MAMDC2: variants seen among roughly 807,000 people sequenced by gnomAD.
MAMDC2 encodes MAM domain containing 2, also known as MAM domain-containing protein 2.
MAMDC2 carries 57 observed loss-of-function variants against 89.8 expected under a neutral mutation model. The observed-to-expected ratio is 0.63, with a 90% CI of 0.51 to 0.79. MAMDC2 has a LOEUF of 0.79. Among genes scored for constraint, MAMDC2 ranks in the 30% least tolerant of loss-of-function variants. MAMDC2 has a pLI of 0.00. For missense variants in MAMDC2, 800 were observed against 820.6 expected (o/e 0.97, Z 0.31); for synonymous variants, 313 against 293.4 (o/e 1.07, Z -0.68).
chr9:70,046,604 A>G (rs1413103125), intron 2 of MAMDC2, among the ~76,000 whole-genome samples: 1 of 152,212 alleles, frequency 6.6e-6, no homozygotes, highest in Non-Finnish European at 1.5e-5. Flanking sequence ...ACCCACAGGA[A>G]GTCTCTCTGC....
rs1459896735 is a variant in MAMDC2 at position 70,131,531 on chromosome 9, G to C, written c.913G>C (p.Val305Leu). Residue 305 changes from valine to leucine, a missense_variant, in exon 7 of 14, where the codon GTT (valine) becomes CTT (leucine). Transcript: ENST00000377182. ...TTTTCCTCTGCAGGTTATTTTTGAA[G>C]TTGCTTTCAATGGTCCCAAGGGAGG... Reference protein sequence around the residue: ...APYPMEVIFEVAFNGPKGGYV... With the variant: ...APYPMEVIFELAFNGPKGGYV... 1.3e-6 allele frequency: 2 copies of C among 1,598,918 alleles called. No homozygotes were observed. The highest frequency in any genetic ancestry group is 1.7e-6 in the Non-Finnish European group (2 of 1,176,332).
chr9:70,144,291 A>T lies in MAMDC2; in HGVS notation c.1404+472A>T, dbSNP rs569931413. ...ACCTAAGGCTCTAGCTGAACACAGG[A>T]TGAGGAAGCTCATTAAAAAATATAG... On this transcript the variant is annotated intron_variant, in intron 9 of 13. Coordinates refer to ENST00000377182, the MANE Select transcript of MAMDC2 (RefSeq NM_153267.5). Among the ~76,000 whole-genome samples, 6 of 152,326 alleles carry T rather than the reference A, an allele frequency of 3.9e-5. No homozygotes were observed. In the South Asian group the frequency reaches 1.2e-3, roughly 32 times the overall value.
At chr9:70,209,399 T>C (rs1378910642) in intron 11 of MAMDC2, among the ~76,000 whole-genome samples, 1 of 152,198 alleles carries the variant, frequency 6.6e-6, no homozygotes, top group East Asian at 1.9e-4. Context: ...TTCTTCTAGA[T>C]TTTCTAGTTT....
chr9:70,151,376 G>A (rs2118449942), intron 9 of MAMDC2, among the ~76,000 whole-genome samples: 1 of 152,340 alleles, frequency 6.6e-6, no homozygotes, highest in Non-Finnish European at 1.5e-5. Flanking sequence ...TGAAAATACA[G>A]CCTTCATGAG....
At position 70,044,039 on chromosome 9, in the gene MAMDC2, C is replaced by T; in HGVS notation, c.-159C>T. The T allele has an allele frequency of 1.2e-6, 1 of 811,042 alleles. No individual in the cohort carries two copies. Among genetic ancestry groups the T allele is most frequent in the South Asian group, 1.7e-5 (1 of 59,862 alleles). 50.2% of individuals were successfully genotyped at this position (811,042 alleles called of 1,614,324 possible). On this transcript the variant is annotated 5_prime_UTR_variant, in exon 1 of 14. Coordinates refer to ENST00000377182, the MANE Select transcript of MAMDC2 (RefSeq NM_153267.5). ...CCGCTCGGCTCCGGGAGCCGCTCTG[C>T]AAAGTTGGGCAGCTCAGAGCGCAAG...
chr9:70,217,980 C>T (rs1353423687), intron 11 of MAMDC2, among the ~76,000 whole-genome samples: 1 of 152,056 alleles, frequency 6.6e-6, no homozygotes, highest in Non-Finnish European at 1.5e-5. Flanking sequence ...ACTACAAAAC[C>T]CACCCTCTCT....
chr9:70,209,405 A>AG (rs2033302439), intron 11 of MAMDC2, among the ~76,000 whole-genome samples: 1 of 152,098 alleles, frequency 6.6e-6, no homozygotes, highest in South Asian at 2.1e-4. Flanking sequence ...TAGATTTTCT[A>AG]GTTTATTTTC....
Position 70,109,794 on chromosome 9 carries a change from C to A in MAMDC2, c.495C>A (p.Gly165=), listed in dbSNP as rs546714347. 6.2e-7 allele frequency: 1 copy of A among 1,613,246 alleles called. No individual in the cohort carries two copies. Among genetic ancestry groups the A allele is most frequent in the African/African-American group, 1.3e-5 (1 of 75,024 alleles). ...IALFEIKMTT[G]YCIECDFEEN... is the part of the protein sequence containing the mutation. ...TATTTGAAATCAAGATGACAACCGGCTACTGTATTGGTAAGTGGGCTTCAT... is the reference window on the plus strand; with the variant it reads ...TATTTGAAATCAAGATGACAACCGGATACTGTATTGGTAAGTGGGCTTCAT... The change falls in exon 4 of 14, where the codon GGC becomes GGA. Residue 165 remains glycine, a synonymous_variant. Coordinates refer to ENST00000377182, the MANE Select transcript of MAMDC2 (RefSeq NM_153267.5).
intron 11 of MAMDC2, among the ~76,000 whole-genome samples, chr9:70,202,466 A>C (rs1196380129): frequency 6.6e-6 from 1 of 151,180 alleles, no homozygotes; most frequent in Admixed American, 6.6e-5. Context: ...GGAGAGCTTT[A>C]CTTCCAAGTA....
intron 9 of MAMDC2, among the ~76,000 whole-genome samples, chr9:70,159,297 C>T (rs548165689): frequency 1.2e-4 from 18 of 152,198 alleles, no homozygotes; most frequent in African/African-American, 3.6e-4. Context: ...TAGCTATAAT[C>T]GTTCATTCCA....
intron 11 of MAMDC2, among the ~76,000 whole-genome samples, chr9:70,176,517 A>G (rs950581794): frequency 6.6e-6 from 1 of 152,216 alleles, no homozygotes; most frequent in African/African-American, 2.4e-5. Flanking sequence ...ATTTATTTTG[A>G]GTGAATATTT....
chr9:70,141,905 A>C (rs926910175), intron 8 of MAMDC2, among the ~76,000 whole-genome samples: 2 of 152,198 alleles, frequency 1.3e-5, no homozygotes, highest in Non-Finnish European at 2.9e-5. Context: ...TAGGGACAGA[A>C]TGTTCCTCCC....
At chr9:70,218,303 T>C (rs769598386) in intron 11 of MAMDC2, 34 bp from the exon 12 acceptor site, 5 of 1,579,214 alleles carry the variant, frequency 3.2e-6, no homozygotes, top group Non-Finnish European at 4.3e-6. Context: ...TTTGTGTCCT[T>C]TTTAACAATA....
At chr9:70,147,694 A>T (rs1381685821) in intron 9 of MAMDC2, among the ~76,000 whole-genome samples, 1 of 149,978 alleles carries the variant, frequency 6.7e-6, no homozygotes, top group Non-Finnish European at 1.5e-5. Flanking sequence ...CTGAACTTTC[A>T]CATTGTTATG....
chr9:70,225,967 GA>G lies in MAMDC2; in HGVS notation c.1999del (p.Met667TrpfsTer15). ...TATTGTATATTTGTCTTTCCTGACA[GA>G]AATGGAAGATACAACTCAACAATCA... ...DVKFQAGPCG[E>X]MEDTTQQSSG... On this transcript the variant is annotated frameshift_variant and splice_region_variant, in exon 14 of 14. Transcript: ENST00000377182. LOFTEE classifies it high-confidence loss of function. 6.4e-7 allele frequency: 1 copy of G among 1,569,604 alleles called. No individual in the cohort carries two copies. The highest frequency in any genetic ancestry group is 8.7e-7 in the Non-Finnish European group (1 of 1,150,984).
At chr9:70,200,636 C>A (rs2033081930) in intron 11 of MAMDC2, among the ~76,000 whole-genome samples, 1 of 140,788 alleles carries the variant, frequency 7.1e-6, no homozygotes, top group Admixed American at 7.1e-5. Flanking sequence ...TGTAAATTAC[C>A]TTGGGCAGTA....
intron 4 of MAMDC2, among the ~76,000 whole-genome samples, chr9:70,111,022 T>TA (rs1156372167): frequency 2.6e-5 from 4 of 152,220 alleles, no homozygotes; most frequent in Admixed American, 2.0e-4. Flanking sequence ...ACCTCAATGA[T>TA]ATCTCTAGGG....
intron 3 of MAMDC2, among the ~76,000 whole-genome samples, chr9:70,108,817 T>A (rs1194235029): frequency 6.6e-6 from 1 of 152,210 alleles, no homozygotes; most frequent in Non-Finnish European, 1.5e-5. Flanking sequence ...CCTTCTAAAT[T>A]GTGTGTGCTA....
intron 9 of MAMDC2, among the ~76,000 whole-genome samples, chr9:70,162,871 G>A (rs575920470): frequency 2.8e-5 from 4 of 142,434 alleles, no homozygotes; most frequent in African/African-American, 1.0e-4. Context: ...TTGTAGGTGG[G>A]TTTCCACACA....
Sources: allele counts gnomAD v4.1 joint callset (sites outside exome capture counted in the v4.1 genomes callset), GRCh38; gene constraint gnomAD v4.1.1; transcripts MANE v1.5; gene names NCBI Gene and HGNC (gene_info 2026-07-23, HGNC 2026-07-21).